SLC1A1: variants seen among roughly 807,000 people sequenced by gnomAD.
SLC1A1 encodes solute carrier family 1 member 1.
Under a neutral mutation model 53.3 loss-of-function variants are expected in SLC1A1, and 43 were observed. The ratio of observed to expected loss-of-function variants is 0.81; its 90% CI spans 0.63 to 1.04. The LOEUF (loss-of-function observed/expected upper bound fraction) is 1.04. Ranked by LOEUF, SLC1A1 falls within the 50% of genes least tolerant of loss-of-function variation. The pLI, the probability that SLC1A1 is intolerant of heterozygous loss-of-function variation, is 0.00. For missense variants in SLC1A1, 748 were observed against 664.9 expected (o/e 1.12, Z -1.37); for synonymous variants, 307 against 243.2 (o/e 1.26, Z -2.44).
chr9:4,499,096 G>C (rs1358102007), intron 1 of SLC1A1, among the ~76,000 whole-genome samples: 3 of 146,694 alleles, frequency 2.0e-5, no homozygotes, highest in African/African-American at 7.6e-5. Flanking sequence ...CTAGGCTGGA[G>C]TGCAGTGGCA....
chr9:4,564,730 G>A (rs959863807), intron 4 of SLC1A1, among the ~76,000 whole-genome samples: 1 of 152,158 alleles, frequency 6.6e-6, no homozygotes, highest in Non-Finnish European at 1.5e-5. Context: ...TGCTGGGATG[G>A]ATTGGTAGTC....
At chr9:4,496,853 A>G (rs1408836285) in intron 1 of SLC1A1, among the ~76,000 whole-genome samples, 1 of 152,166 alleles carries the variant, frequency 6.6e-6, no homozygotes, top group African/African-American at 2.4e-5. Flanking sequence ...GCTTGATCAC[A>G]TCATTGTACA....
intron 1 of SLC1A1, among the ~76,000 whole-genome samples, chr9:4,538,046 C>T (rs1293334276): frequency 2.0e-5 from 3 of 152,010 alleles, no homozygotes; most frequent in Admixed American, 2.0e-4. Flanking sequence ...AAAGACAATT[C>T]ATTTGAAATG....
At chr9:4,566,917 T>C (rs925117275) in intron 5 of SLC1A1, among the ~76,000 whole-genome samples, 1 of 152,192 alleles carries the variant, frequency 6.6e-6, no homozygotes, top group African/African-American at 2.4e-5. Context: ...GACTTCTGTG[T>C]ATACCAACAA....
chr9:4,548,859 T>A (rs190698352), intron 2 of SLC1A1, among the ~76,000 whole-genome samples: 1 of 152,260 alleles, frequency 6.6e-6, no homozygotes, highest in East Asian at 1.9e-4. Flanking sequence ...TGGGTACCAA[T>A]AGAATCCTAC....
intron 1 of SLC1A1, among the ~76,000 whole-genome samples, chr9:4,540,225 G>C (rs1276730769): frequency 1.3e-5 from 2 of 152,018 alleles, no homozygotes; most frequent in African/African-American, 4.8e-5. Flanking sequence ...CAGACTCTGG[G>C]GGAAGATTAT....
rs1816514718 is a variant in SLC1A1 at position 4,532,562 on chromosome 9, G to C, written c.92-12005G>C. The stretch of plus-strand genomic sequence containing the variant: ...AAGCCTCCAAGAAATATGGGACTAT[G>C]TGAAAAGACCAAATCTACATCTGAT... On this transcript the variant is annotated intron_variant, in intron 1 of 11. Transcript: ENST00000262352. 2.6e-5 allele frequency among the ~76,000 whole-genome samples: 4 copies of C among 152,172 alleles called. 1 individual carries two copies. Among genetic ancestry groups the C allele is most frequent in the Admixed American group, 2.6e-4 (4 of 15,276 alleles).
intron 6 of SLC1A1, among the ~76,000 whole-genome samples, chr9:4,570,006 G>C (rs1819873264): frequency 6.6e-6 from 1 of 152,310 alleles, no homozygotes; most frequent in South Asian, 2.1e-4. Flanking sequence ...AGGCCATAAT[G>C]AATGAGCAAG....
intron 10 of SLC1A1, among the ~76,000 whole-genome samples, chr9:4,581,376 A>G (rs1183973456): frequency 1.3e-5 from 2 of 152,214 alleles, no homozygotes; most frequent in African/African-American, 4.8e-5. Context: ...ATAGGTTTTT[A>G]TATTATTTTC....
chr9:4,556,167 G>GTT lies in SLC1A1; in HGVS notation c.233-5281_233-5280insTT, dbSNP rs1818361664. On this transcript the variant is annotated intron_variant, in intron 2 of 11. Transcript: ENST00000262352. This position sits in a 1 kb window ranked among gnomAD's most constrained non-coding sequence, Gnocchi z 4.1. ...TCACACCCAGCAAATTTGTGTGTGT[G>GTT]TGTGGTTTTGTTTTTGTTTTTTTGT... Among the ~76,000 whole-genome samples the GTT allele has an allele frequency of 4.0e-5, 6 of 151,824 alleles. No homozygotes were observed. The highest frequency in any genetic ancestry group is 3.9e-4 in the Admixed American group (6 of 15,238).
intron 6 of SLC1A1, among the ~76,000 whole-genome samples, chr9:4,569,401 A>T (rs148230749): frequency 6.9e-4 from 105 of 152,376 alleles, no homozygotes; most frequent in African/African-American, 2.5e-3. Flanking sequence ...AGTAGCCAGT[A>T]GCCTCATCTC....
intron 1 of SLC1A1, among the ~76,000 whole-genome samples, chr9:4,513,013 G>C (rs1821048187): frequency 6.6e-6 from 1 of 151,830 alleles, no homozygotes; most frequent in Non-Finnish European, 1.5e-5. Flanking sequence ...GGAACAACTA[G>C]ACATCATATG....
Position 4,586,198 on chromosome 9 carries a change from G to A in SLC1A1, c.*640G>A, listed in dbSNP as rs947342221. 1 of 153,870 alleles carries A rather than the reference G, an allele frequency of 6.5e-6. No individual in the cohort carries two copies. The highest frequency in any genetic ancestry group is 2.0e-4 in the South Asian group (1 of 4,970). 9.5% of individuals were successfully genotyped at this position (153,870 alleles called of 1,614,324 possible). ...TGGGACGCTGGTAACTGTTAACCCA[G>A]TGTTCAGCATAGAGCTATATATATA... On this transcript the variant is annotated 3_prime_UTR_variant, in exon 12 of 12. Transcript: ENST00000262352.
chr9:4,569,403 C>T (rs1162373560), intron 6 of SLC1A1, among the ~76,000 whole-genome samples: 2 of 152,146 alleles, frequency 1.3e-5, no homozygotes, highest in African/African-American at 4.8e-5. Context: ...TAGCCAGTAG[C>T]CTCATCTCAG....
intron 1 of SLC1A1, among the ~76,000 whole-genome samples, chr9:4,499,984 A>G (rs998861378): frequency 6.6e-6 from 1 of 152,218 alleles, no homozygotes; most frequent in Non-Finnish European, 1.5e-5. Flanking sequence ...GAGAGCATGT[A>G]TGCATGTGAG....
At chr9:4,564,638 G>A (rs1819307616) in intron 4 of SLC1A1, among the ~76,000 whole-genome samples, 180 bp downstream of exon 4, 1 of 152,202 alleles carries the variant, frequency 6.6e-6, no homozygotes, top group African/African-American at 2.4e-5. Context: ...GCCAAGTCTT[G>A]GTTCCAAGAG....
At chr9:4,568,788 G>C (rs1294828903) in intron 6 of SLC1A1, among the ~76,000 whole-genome samples, 1 of 152,116 alleles carries the variant, frequency 6.6e-6, no homozygotes, top group Non-Finnish European at 1.5e-5. Context: ...TGTGCCTTAG[G>C]GAGAAAATTT....
In SLC1A1 at chr9:4,544,332, C is replaced by T. The variant is rs189327378; in HGVS notation, c.92-235C>T. On this transcript the variant is annotated intron_variant, in intron 1 of 11. Transcript: ENST00000262352. Reference sequence around the variant, plus strand: ...AGTGTAATTGATAGCGAAGAAATGACAACAAAGCTTTCATGTATAGAATAC... The same window carrying T: ...AGTGTAATTGATAGCGAAGAAATGATAACAAAGCTTTCATGTATAGAATAC... Among the ~76,000 whole-genome samples the T allele has an allele frequency of 1.2e-3, 178 of 152,190 alleles. 1 individual carries two copies. Among genetic ancestry groups the T allele is most frequent in the African/African-American group, 4.2e-3 (173 of 41,522 alleles).
At chr9:4,502,073 G>A (rs960679544) in intron 1 of SLC1A1, among the ~76,000 whole-genome samples, 10 of 151,504 alleles carry the variant, frequency 6.6e-5, no homozygotes, top group Non-Finnish European at 8.8e-5. Context: ...GAGCCACTTA[G>A]CAGGTTTCAT....
Sources: allele counts gnomAD v4.1 joint callset (sites outside exome capture counted in the v4.1 genomes callset), GRCh38; gene constraint gnomAD v4.1.1; non-coding constraint Gnocchi (gnomAD v3.1); transcripts MANE v1.5; gene names NCBI Gene and HGNC (gene_info 2026-07-23, HGNC 2026-07-21).